ZNF623: variants seen among roughly 807,000 people sequenced by gnomAD.
ZNF623 encodes zinc finger protein 623.
A neutral mutation model predicts 24.0 loss-of-function variants in ZNF623; 16 were observed. That is an observed-to-expected ratio of 0.67 (90% confidence interval 0.45 to 1.01). The LOEUF (loss-of-function observed/expected upper bound fraction) is 1.01, where lower values mean the gene tolerates loss of function less well. ZNF623 is among the 50% of genes least tolerant of loss of function. The probability of loss-of-function intolerance (pLI) is 0.00; values close to 1 mark genes in which losing one functional copy is unlikely to be tolerated. For missense variants in ZNF623, 566 were observed against 606.5 expected (o/e 0.93, Z 0.70); for synonymous variants, 224 against 219.8 (o/e 1.02, Z -0.17).
At position 143,652,869 on chromosome 8, in the gene ZNF623, A is replaced by G. The variant is rs1015867863; in HGVS notation, c.*1386A>G. The G allele has an allele frequency of 2.4e-5, 4 of 167,092 alleles. No homozygotes were observed. The highest frequency in any genetic ancestry group is 1.3e-4 in the Admixed American group (2 of 15,272). 10.4% of individuals were successfully genotyped at this position (167,092 alleles called of 1,614,324 possible). On this transcript the variant is annotated 3_prime_UTR_variant, in exon 2 of 2. Coordinates refer to ENST00000526926, the MANE Select transcript of ZNF623 (RefSeq NM_001261843.2). ...TGATATCTATAAGGAATAGTCCTCAATGTTGGGAAAACAGATGAGCAACCC... is the reference window on the plus strand; with the variant it reads ...TGATATCTATAAGGAATAGTCCTCAGTGTTGGGAAAACAGATGAGCAACCC...
chr8:143,645,172 G>GCA (rs1815144821), intron 1 of ZNF623, among the ~76,000 whole-genome samples: 3 of 144,940 alleles, frequency 2.1e-5, no homozygotes, highest in Non-Finnish European at 4.5e-5. Flanking sequence ...GGCCGAGCGT[G>GCA]GTGGCTCATG....
intron 1 of ZNF623, among the ~76,000 whole-genome samples, chr8:143,642,588 C>T (rs1162222314): frequency 1.3e-5 from 2 of 152,122 alleles, no homozygotes; most frequent in East Asian, 3.8e-4. Flanking sequence ...TCATTTCTAG[C>T]TTTTGGTTTA....
intron 1 of ZNF623, among the ~76,000 whole-genome samples, chr8:143,647,061 T>C (rs963834671): frequency 1.3e-5 from 2 of 152,176 alleles, no homozygotes; most frequent in Non-Finnish European, 2.9e-5. Flanking sequence ...TTTGATTGGG[T>C]GACTTATGAT....
In ZNF623 at chr8:143,638,136, T is replaced by C. The variant is rs1210062057; in HGVS notation, c.-96+1991T>C. 2.0e-5 allele frequency among the ~76,000 whole-genome samples: 3 copies of C among 151,980 alleles called. No individual in the cohort carries two copies. The East Asian group carries it at 5.8e-4, about 29-fold the overall frequency. On this transcript the variant is annotated intron_variant, in intron 1 of 1. Coordinates refer to ENST00000526926, the MANE Select transcript of ZNF623 (RefSeq NM_001261843.2). Reference sequence around the variant, plus strand: ...GGCGGGCAGATCATGAGGTCAAGAGTTCGAGACCAGCCTGACCAACATGGT... The same window carrying C: ...GGCGGGCAGATCATGAGGTCAAGAGCTCGAGACCAGCCTGACCAACATGGT...
In ZNF623 at chr8:143,650,065, G is replaced by A. The variant is rs1333653590; in HGVS notation, c.73G>A (p.Gly25Ser). The A allele has an allele frequency of 6.2e-7, 1 of 1,614,134 alleles. No homozygotes were observed. Among genetic ancestry groups the A allele is most frequent in the Non-Finnish European group, 8.5e-7 (1 of 1,180,002 alleles). The change falls in exon 2 of 2, where the codon GGT (glycine) becomes AGT (serine). Residue 25 changes from glycine to serine, a missense_variant. This residue lies in a region of ZNF623 where 313 missense variants were observed against 300.4 expected (regional missense o/e 1.04). Transcript: ENST00000526926. This position sits in a 1 kb window ranked among gnomAD's most constrained non-coding sequence, Gnocchi z 5.2. ...RLGELLGNPE[G>S]QSLGSSPSQD... Reference sequence around the variant, plus strand: ...AGGGGAGCTCTTGGGAAATCCAGAAGGTCAGAGCCTGGGGAGTTCCCCCTC... The same window carrying A: ...AGGGGAGCTCTTGGGAAATCCAGAAAGTCAGAGCCTGGGGAGTTCCCCCTC...
At chr8:143,644,336 G>T (rs1222825801) in intron 1 of ZNF623, among the ~76,000 whole-genome samples, 1 of 152,086 alleles carries the variant, frequency 6.6e-6, no homozygotes, top group Admixed American at 6.6e-5. Context: ...GTTTTTAAAC[G>T]AGCAGAACCT....
chr8:143,645,330 T>C (rs1815153072), intron 1 of ZNF623, among the ~76,000 whole-genome samples: 1 of 149,906 alleles, frequency 6.7e-6, no homozygotes, highest in East Asian at 2.0e-4. Flanking sequence ...TAGTCCCAGT[T>C]GCTCGGCAGG....
rs111972168 is a variant in ZNF623, at chr8:143,643,315, C to T, written c.-95-6583C>T. The stretch of plus-strand genomic sequence containing the variant: ...ACAGTTGCAGCTTTGCGTGACCCTG[C>T]GTGGAGATCCCAGCTGGCCTGGCCT... On this transcript the variant is annotated intron_variant, in intron 1 of 1. Coordinates refer to ENST00000526926, the MANE Select transcript of ZNF623 (RefSeq NM_001261843.2). 9.5e-4 allele frequency among the ~76,000 whole-genome samples: 144 copies of T among 152,316 alleles called. 3 individuals carry two copies. The highest frequency in any genetic ancestry group is 2.8e-3 in the African/African-American group (116 of 41,558).
chr8:143,636,795 C>G (rs1478870046), intron 1 of ZNF623, among the ~76,000 whole-genome samples: 1 of 152,136 alleles, frequency 6.6e-6, no homozygotes, highest in Non-Finnish European at 1.5e-5. Flanking sequence ...TTGAAGGTAC[C>G]CTTTTCCCTT....
Position 143,649,985 on chromosome 8 carries a change from T to C in ZNF623, c.-8T>C. The C allele has an allele frequency of 6.2e-7, 1 of 1,614,196 alleles. No individual in the cohort carries two copies. Among genetic ancestry groups the C allele is most frequent in the Non-Finnish European group, 8.5e-7 (1 of 1,180,046 alleles). ...TCACATAGGACGACGTCAGACAGAC[T>C]CACGGTGATGGAGCTCCCCTCTCCC... On this transcript the variant is annotated 5_prime_UTR_variant, in exon 2 of 2. Coordinates refer to ENST00000526926, the MANE Select transcript of ZNF623 (RefSeq NM_001261843.2).
In ZNF623 at chr8:143,641,676, G is replaced by A. The variant is rs1203813013; in HGVS notation, c.-96+5531G>A. On this transcript the variant is annotated intron_variant, in intron 1 of 1. Transcript: ENST00000526926. ...GAGACGGGGTTTCACCGTTTTAGCC[G>A]GGATGGTCTCGATCTCCTGACCTCG... 3.1e-4 allele frequency among the ~76,000 whole-genome samples: 2 copies of A among 6,424 alleles called. 1 individual carries two copies. The highest frequency in any genetic ancestry group is 3.2e-4 in the African/African-American group (2 of 6,158). The allele number at this position is 6,424 out of a possible 152,430, so 4.2% of individuals were successfully genotyped here.
chr8:143,639,416 G>A (rs906277487), intron 1 of ZNF623, among the ~76,000 whole-genome samples: 1 of 151,252 alleles, frequency 6.6e-6, no homozygotes, highest in Non-Finnish European at 1.5e-5. Context: ...AGAGACGGGG[G>A]TTTCTCCATG....
intron 1 of ZNF623, among the ~76,000 whole-genome samples, chr8:143,646,192 A>G (rs1324612812): frequency 6.6e-6 from 1 of 152,076 alleles, no homozygotes; most frequent in Non-Finnish European, 1.5e-5. Context: ...CAGGTATGCA[A>G]CATCACACCC....
At chr8:143,638,045 A>G (rs1010138707) in intron 1 of ZNF623, among the ~76,000 whole-genome samples, 6 of 152,200 alleles carry the variant, frequency 3.9e-5, no homozygotes, top group Non-Finnish European at 2.9e-5. Context: ...GAAGATAGCT[A>G]TTTCCTTTTT....
chr8:143,649,607 C>T, intron 1 of ZNF623: 1 of 466,464 alleles, frequency 2.1e-6, no homozygotes, highest in Non-Finnish European at 3.8e-6. Context: ...TCAAGCATAT[C>T]CCCACCCCTC....
In ZNF623 at chr8:143,650,084, C is replaced by T; in HGVS notation, c.92C>T (p.Ser31Phe). The change falls in exon 2 of 2, where the codon TCC (serine) becomes TTC (phenylalanine). Residue 31 changes from serine (S) to phenylalanine (F), a missense_variant. Around this residue, in one of 3 missense-constraint regions of ZNF623, gnomAD observed 313 missense variants for 300.4 expected, o/e 1.04. Coordinates refer to ENST00000526926, the MANE Select transcript of ZNF623 (RefSeq NM_001261843.2). The surrounding 1 kb of genome is among the most constrained non-coding windows in gnomAD (Gnocchi z 5.2). ...CCAGAAGGTCAGAGCCTGGGGAGTT[C>T]CCCCTCTCAGGACAGGGGCTGCAAG... is the stretch of plus-strand genomic sequence containing the variant. Reference protein sequence around the residue: ...GNPEGQSLGSSPSQDRGCKQV... With the variant: ...GNPEGQSLGSFPSQDRGCKQV... 6.2e-7 allele frequency: 1 copy of T among 1,614,076 alleles called. No homozygotes were observed. The highest frequency in any genetic ancestry group is 1.7e-5 in the Admixed American group (1 of 60,018).
chr8:143,638,871 C>T (rs1814984402), intron 1 of ZNF623, among the ~76,000 whole-genome samples: 1 of 151,760 alleles, frequency 6.6e-6, no homozygotes, highest in South Asian at 2.1e-4. Flanking sequence ...AACAAGAAAC[C>T]AACATCTCCA....
Position 143,650,464 on chromosome 8 carries a change from C to G in ZNF623, c.472C>G (p.Gln158Glu), listed in dbSNP as rs776064066. Reference protein sequence around the residue: ...FIHYSGLIEHQRVHSGEKPFK... With the variant: ...FIHYSGLIEHERVHSGEKPFK... ...TCACTATTCAGGTCTCATTGAGCAT[C>G]AGCGCGTTCATTCAGGAGAAAAGCC... Residue 158 changes from glutamine (Q) to glutamate (E), a missense_variant, in exon 2 of 2, where the codon CAG (glutamine) becomes GAG (glutamate). Gln to Glu is a conservative substitution (Grantham distance 29). This residue lies in a region of ZNF623 where 313 missense variants were observed against 300.4 expected (regional missense o/e 1.04). Coordinates refer to ENST00000526926, the MANE Select transcript of ZNF623 (RefSeq NM_001261843.2). The surrounding 1 kb of genome is among the most constrained non-coding windows in gnomAD (Gnocchi z 5.2). The G allele has an allele frequency of 6.2e-6, 10 of 1,613,974 alleles. 1 individual carries two copies. The South Asian group carries it at 1.1e-4, about 18-fold the overall frequency.
At chr8:143,642,149 G>A (rs1328684106) in intron 1 of ZNF623, among the ~76,000 whole-genome samples, 1 of 152,184 alleles carries the variant, frequency 6.6e-6, no homozygotes, top group African/African-American at 2.4e-5. Context: ...AGCTAGATCT[G>A]GAGAACTTGC....
Sources: gnomAD v4.1 joint callset for allele counts (sites outside exome capture counted in the v4.1 genomes callset) on GRCh38, gnomAD v4.1.1 for gene constraint, gnomAD v4.1.1 regional missense constraint, Gnocchi (gnomAD v3.1) non-coding constraint, MANE v1.5 for transcripts, NCBI Gene and HGNC (gene_info 2026-07-23, HGNC 2026-07-21) for gene names.